Variants in TMEM263 observed in about 807,000 individuals in gnomAD.
TMEM263 encodes the protein UPF0444 transmembrane protein C12orf23.
TMEM263 carries 5 observed loss-of-function variants against 8.6 expected under a neutral mutation model. The ratio of observed to expected loss-of-function variants is 0.58; its 90% CI spans 0.31 to 1.23. The LOEUF (loss-of-function observed/expected upper bound fraction) is 1.23. Ranked by LOEUF, TMEM263 falls within the 50% of genes most tolerant of loss-of-function variation. The probability of loss-of-function intolerance (pLI) is 0.07; values close to 1 mark genes in which losing one functional copy is unlikely to be tolerated. For missense variants in TMEM263, 104 were observed against 138.8 expected, an observed-to-expected ratio of 0.75 and a Z score of 1.26; for synonymous variants, 50 against 47.9, an observed-to-expected ratio of 1.04 and a Z score of -0.18.
At chr12:106,961,969 T>C (rs547698925) in intron 2 of TMEM263, among the ~76,000 whole-genome samples, 2 of 152,360 alleles carry the variant, frequency 1.3e-5, no homozygotes, top group East Asian at 1.9e-4. Flanking sequence ...TTAGATGAAC[T>C]ACATAATCTT....
At chr12:106,959,993 C>G (rs1336805373) in intron 2 of TMEM263, among the ~76,000 whole-genome samples, 1 of 152,022 alleles carries the variant, frequency 6.6e-6, no homozygotes, top group African/African-American at 2.4e-5. Flanking sequence ...AACATACTGG[C>G]TATTAAGGTG....
Position 106,972,067 on chromosome 12 carries a change from G to A in TMEM263, c.*676G>A, listed in dbSNP as rs890625072. On this transcript the variant is annotated 3_prime_UTR_variant, in exon 4 of 4. Transcript: ENST00000280756. Reference sequence around the variant, plus strand: ...TCATCTATGGATTCTTTTAAAGGTTGTTTGTGAAATTAGTTTTCCCTTTTT... The same window carrying A: ...TCATCTATGGATTCTTTTAAAGGTTATTTGTGAAATTAGTTTTCCCTTTTT... The A allele has an allele frequency of 1.3e-5, 2 of 152,610 alleles. No individual in the cohort carries two copies. The highest frequency in any genetic ancestry group is 4.8e-5 in the African/African-American group (2 of 41,442). 9.5% of individuals were successfully genotyped at this position (152,610 alleles called of 1,614,324 possible).
chr12:106,973,809 G>C lies in TMEM263; in HGVS notation c.*2418G>C, dbSNP rs1370470924. 1.3e-5 allele frequency: 2 copies of C among 152,576 alleles called. No homozygotes were observed. The highest frequency in any genetic ancestry group is 6.5e-5 in the Admixed American group (1 of 15,276). The allele number at this position is 152,576 out of a possible 1,614,324, so 9.5% of individuals were successfully genotyped here. A position where few individuals can be genotyped will look rare whatever the true frequency, so the allele number is the denominator to read the frequency against. On this transcript the variant is annotated 3_prime_UTR_variant, in exon 4 of 4. Transcript: ENST00000280756. ...AGCTTATCCTTTGAGTGGGTATTTG[G>C]CACAATGAGGATAAACTTATGTGAC...
intron 1 of TMEM263, among the ~76,000 whole-genome samples, chr12:106,956,274 A>G (rs1951688884): frequency 6.6e-6 from 1 of 152,032 alleles, no homozygotes; most frequent in South Asian, 2.1e-4. Context: ...ACTCCTCCTT[A>G]TACGTCGCTG....
rs1265366079 is a variant in TMEM263 at position 106,960,276 on chromosome 12, C to T, written c.-7+3127C>T. Among the ~76,000 whole-genome samples, 4 of 151,482 alleles carry T rather than the reference C, an allele frequency of 2.6e-5. No individual in the cohort carries two copies. In the East Asian group the frequency reaches 5.8e-4, roughly 22 times the overall value. ...TCTCGAACTCCTGACCTCAGGTGAT[C>T]CACCTGCCTTGGCCTCCCAAAGTGG... On this transcript the variant is annotated intron_variant, in intron 2 of 3. Transcript: ENST00000280756.
chr12:106,960,778 A>G (rs2136759898), intron 2 of TMEM263, among the ~76,000 whole-genome samples: 1 of 152,326 alleles, frequency 6.6e-6, no homozygotes, highest in Non-Finnish European at 1.5e-5. Flanking sequence ...CTGTGTGTGA[A>G]TTTAAAAATA....
chr12:106,960,690 G>A (rs758147607), intron 2 of TMEM263, among the ~76,000 whole-genome samples: 4 of 152,140 alleles, frequency 2.6e-5, no homozygotes, highest in Admixed American at 1.3e-4. Flanking sequence ...AGCCCCAGGC[G>A]AGAGTGAAAT....
intron 2 of TMEM263, among the ~76,000 whole-genome samples, chr12:106,966,092 A>G (rs1194870340): frequency 6.6e-6 from 1 of 152,124 alleles, no homozygotes; most frequent in Admixed American, 6.5e-5. Flanking sequence ...CACCCAGGTA[A>G]TAAGCATAGT....
chr12:106,961,601 AGAAG>A (rs899171948), intron 2 of TMEM263, among the ~76,000 whole-genome samples: 3 of 152,162 alleles, frequency 2.0e-5, no homozygotes, highest in Non-Finnish European at 2.9e-5. Flanking sequence ...GAAGCCAAAG[AGAAG>A]GAAGACATCA....
At chr12:106,960,102 T>A (rs1379202563) in intron 2 of TMEM263, among the ~76,000 whole-genome samples, 1 of 152,100 alleles carries the variant, frequency 6.6e-6, no homozygotes, top group Non-Finnish European at 1.5e-5. Context: ...TGGTGAGATC[T>A]TGGTTCACTG....
chr12:106,968,882 C>T (rs980152305), intron 3 of TMEM263, among the ~76,000 whole-genome samples: 2 of 152,140 alleles, frequency 1.3e-5, no homozygotes, highest in African/African-American at 2.4e-5. Context: ...CTAGTGACCT[C>T]GATTACAGAA....
intron 2 of TMEM263, among the ~76,000 whole-genome samples, chr12:106,958,342 GA>G (rs1951727815): frequency 1.3e-5 from 2 of 152,020 alleles, no homozygotes; most frequent in African/African-American, 4.8e-5. Context: ...AAATATTACT[GA>G]AACCCACAAA....
chr12:106,956,126 CCCTCTGCCGTCGG>C, intron 1 of TMEM263, 61 bp downstream of exon 1: 1 of 890,020 alleles, frequency 1.1e-6, no homozygotes, highest in Non-Finnish European at 1.3e-6. Flanking sequence ...TCCTCCGTCG[CCCTCTGCCGTCGG>C]CGCCCCTGCC....
In TMEM263 at chr12:106,971,143, T is replaced by C; in HGVS notation, c.103T>C (p.Leu35=). The C allele has an allele frequency of 1.2e-6, 2 of 1,614,228 alleles. No homozygotes were observed. The highest frequency in any genetic ancestry group is 1.7e-6 in the Non-Finnish European group (2 of 1,180,042). ...TCACCCACAGCAGCAGCCAGGCATG[T>C]TGTCCCGTGTGACTGGGGGTATCTT... is the stretch of plus-strand genomic sequence containing the variant. The part of the protein sequence containing the change: ...KDHPQQQPGM[L]SRVTGGIFSV... Residue 35 remains leucine, a synonymous_variant, in exon 4 of 4, where the codon TTG becomes CTG. Coordinates refer to ENST00000280756, the MANE Select transcript of TMEM263 (RefSeq NM_152261.4).
Position 106,971,162 on chromosome 12 carries a change from G to T in TMEM263, c.122G>T (p.Gly41Val). The change falls in exon 4 of 4, where the codon GGT becomes GTT. Residue 41 changes from glycine to valine, a missense_variant. Coordinates refer to ENST00000280756, the MANE Select transcript of TMEM263 (RefSeq NM_152261.4). ...GGCATGTTGTCCCGTGTGACTGGGG[G>T]TATCTTCAGTGTTACAAAGGGAGCT... Reference protein sequence around the residue: ...QPGMLSRVTGGIFSVTKGAVG... With the variant: ...QPGMLSRVTGVIFSVTKGAVG... 1.2e-6 allele frequency: 2 copies of T among 1,614,214 alleles called. No individual in the cohort carries two copies. Among genetic ancestry groups the T allele is most frequent in the South Asian group, 1.1e-5 (1 of 91,084 alleles).
At chr12:106,964,753 A>T (rs1006058486) in intron 2 of TMEM263, among the ~76,000 whole-genome samples, 2 of 152,232 alleles carry the variant, frequency 1.3e-5, no homozygotes, top group African/African-American at 2.4e-5. Flanking sequence ...GAGAAGTGTC[A>T]TCTTAAGTAG....
chr12:106,967,920 G>A (rs1014487399), intron 3 of TMEM263, among the ~76,000 whole-genome samples: 2 of 152,126 alleles, frequency 1.3e-5, no homozygotes, highest in African/African-American at 4.8e-5. Context: ...ATTAACACAT[G>A]ATCTTGGGAT....
chr12:106,961,142 T>G (rs1195110458), intron 2 of TMEM263, among the ~76,000 whole-genome samples: 1 of 151,974 alleles, frequency 6.6e-6, no homozygotes, highest in Non-Finnish European at 1.5e-5. Context: ...GCAGCTGCTT[T>G]AAACTCCTGG....
chr12:106,965,091 T>G (rs111807897), intron 2 of TMEM263, among the ~76,000 whole-genome samples: 1 of 142,802 alleles, frequency 7.0e-6, no homozygotes, highest in East Asian at 2.1e-4. Flanking sequence ...CAGACCTCAC[T>G]CTTTGTCTTC....
Sources: allele counts gnomAD v4.1 joint callset (sites outside exome capture counted in the v4.1 genomes callset), GRCh38; gene constraint gnomAD v4.1.1; transcripts MANE v1.5; gene names NCBI Gene and HGNC (gene_info 2026-07-23, HGNC 2026-07-21).